The following CACNA1C variants were observed in gnomAD, a reference collection of about 807,000 sequenced individuals.
CACNA1C encodes the protein calcium voltage-gated channel subunit alpha1 C.
Under a neutral mutation model 229.0 loss-of-function variants are expected in CACNA1C, and 30 were observed. The ratio of observed to expected loss-of-function variants is 0.13; its 90% CI spans 0.10 to 0.18. CACNA1C has a LOEUF of 0.18. CACNA1C is among the 10% of genes least tolerant of loss of function. The pLI is 1.00. For synonymous variants in CACNA1C, 1,114 were observed against 1,132.5 expected, an observed-to-expected ratio of 0.98 and a Z score of 0.33; for missense variants, 1,658 against 2,845.0, an observed-to-expected ratio of 0.58 and a Z score of 9.49.
intron 3 of CACNA1C, among the ~76,000 whole-genome samples, chr12:2,407,106 C>T (rs2098746296): frequency 6.6e-6 from 1 of 152,228 alleles, no homozygotes; most frequent in African/African-American, 2.4e-5. Context: ...AGCCTCGTTA[C>T]TGCCTCACCG....
chr12:2,191,030 A>G (rs2097194351), intron 3 of CACNA1C, among the ~76,000 whole-genome samples: 1 of 152,034 alleles, frequency 6.6e-6, no homozygotes, highest in African/African-American at 2.4e-5. Flanking sequence ...GGATACTGGG[A>G]AGTGTGGTCC....
intron 3 of CACNA1C, among the ~76,000 whole-genome samples, chr12:2,155,465 A>G (rs2095509976): frequency 6.6e-6 from 1 of 152,128 alleles, no homozygotes; most frequent in Non-Finnish European, 1.5e-5. Flanking sequence ...TTCCGTACAT[A>G]ATGAGTTTTT....
rs1249918388 is a variant in CACNA1C, at chr12:2,277,354, GACAGACAGACACACACACACACAC to G, written c.477+156928_477+156951del. Among the ~76,000 whole-genome samples, 398 of 87,052 alleles carry G rather than the reference GACAGACAGACACACACACACACAC, an allele frequency of 4.6e-3. 1 individual carries two copies. The highest frequency in any genetic ancestry group is 0.015 in the African/African-American group (297 of 19,166). 57.1% of individuals were successfully genotyped at this position (87,052 alleles called of 152,430 possible). ...TAGTAGACAGACAGACAGACAGACA[GACAGACAGACACACACACACACAC>G]ACACACACACACACACACACACACA... On this transcript the variant is annotated intron_variant, in intron 3 of 46. Transcript: ENST00000399655.
intron 4 of CACNA1C, among the ~76,000 whole-genome samples, chr12:2,450,306 G>C (rs1344582897): frequency 2.0e-5 from 3 of 152,080 alleles, no homozygotes; most frequent in Non-Finnish European, 4.4e-5. Context: ...TGTAATCCCA[G>C]CACTTTGGGA....
chr12:2,198,600 A>C (rs558768636), intron 3 of CACNA1C, among the ~76,000 whole-genome samples: 65 of 152,282 alleles, frequency 4.3e-4, no homozygotes, highest in African/African-American at 1.4e-3. Context: ...GGAAAAGGCA[A>C]ATTTATACAA....
intron 13 of CACNA1C, among the ~76,000 whole-genome samples, chr12:2,569,199 G>A (rs1377987073): frequency 1.3e-5 from 2 of 152,164 alleles, no homozygotes; most frequent in Admixed American, 6.5e-5. Context: ...CTCAAGACAA[G>A]GACAGGGCTG....
chr12:2,615,541 C>G (rs2080022667), intron 29 of CACNA1C, among the ~76,000 whole-genome samples: 1 of 152,186 alleles, frequency 6.6e-6, no homozygotes, highest in Non-Finnish European at 1.5e-5. Flanking sequence ...CAATACCATT[C>G]CAGTTAAAAC....
intron 3 of CACNA1C, among the ~76,000 whole-genome samples, chr12:2,416,543 C>G (rs1334970677): frequency 6.6e-6 from 1 of 152,186 alleles, no homozygotes; most frequent in Non-Finnish European, 1.5e-5. Flanking sequence ...AGGAATTTGT[C>G]CCAGGTCAAA....
intron 3 of CACNA1C, among the ~76,000 whole-genome samples, chr12:2,126,370 C>T (rs896944159): frequency 2.0e-5 from 3 of 152,198 alleles, no homozygotes; most frequent in African/African-American, 7.2e-5. Context: ...CCCTGTCTAC[C>T]AAGAGCTATT....
At chr12:2,117,152 T>C (rs905714245) in intron 2 of CACNA1C, among the ~76,000 whole-genome samples, 1 of 152,162 alleles carries the variant, frequency 6.6e-6, no homozygotes, top group African/African-American at 2.4e-5. Context: ...ATGCCAGTAA[T>C]TCCAGCTGCT....
intron 30 of CACNA1C, among the ~76,000 whole-genome samples, chr12:2,638,535 G>T (rs543550695): frequency 3.3e-5 from 5 of 152,202 alleles, no homozygotes; most frequent in Non-Finnish European, 5.9e-5. Flanking sequence ...TTTTTAAAGA[G>T]ACCACTCTGG....
chr12:2,572,395 CT>C (rs2154593821), intron 13 of CACNA1C, among the ~76,000 whole-genome samples: 2 of 44,096 alleles, frequency 4.5e-5, no homozygotes, highest in Non-Finnish European at 7.8e-5. Context: ...CCTCCTCCTT[CT>C]TCTCTTCCTC....
At chr12:2,027,860 G>A (rs1243487856) in intron 1 of CACNA1C, among the ~76,000 whole-genome samples, 1 of 152,248 alleles carries the variant, frequency 6.6e-6, no homozygotes, top group Admixed American at 6.5e-5. Context: ...CTTAGTAATT[G>A]TAGAGCTATT....
chr12:2,449,727 G>A (rs529628945), intron 4 of CACNA1C, among the ~76,000 whole-genome samples: 3 of 152,300 alleles, frequency 2.0e-5, no homozygotes, highest in East Asian at 1.9e-4. Context: ...GCTCTGTGCT[G>A]CTGTAGGATA....
intron 1 of CACNA1C, among the ~76,000 whole-genome samples, chr12:1,972,933 AT>A (rs774691893): frequency 6.6e-6 from 1 of 152,222 alleles, no homozygotes; most frequent in African/African-American, 2.4e-5. Flanking sequence ...TCGAGCAGCA[AT>A]GACGCTGCCT....
At chr12:2,311,001 CTCT>C (rs1282881593) in intron 3 of CACNA1C, among the ~76,000 whole-genome samples, 1 of 152,174 alleles carries the variant, frequency 6.6e-6, no homozygotes, top group African/African-American at 2.4e-5. Context: ...CGTGTAGCAT[CTCT>C]TCTTCTCTAA....
chr12:2,337,395 G>A (rs1258450408), intron 3 of CACNA1C, among the ~76,000 whole-genome samples: 2 of 152,190 alleles, frequency 1.3e-5, no homozygotes, highest in African/African-American at 4.8e-5. Flanking sequence ...CCTTCTCTGG[G>A]CGTGAGCCTG....
At chr12:2,315,649 T>C (rs1255277658) in intron 3 of CACNA1C, among the ~76,000 whole-genome samples, 1 of 152,112 alleles carries the variant, frequency 6.6e-6, no homozygotes, top group African/African-American at 2.4e-5. Context: ...CCATCCTCCC[T>C]TGAAGGGCTT....
intron 1 of CACNA1C, among the ~76,000 whole-genome samples, chr12:2,074,887 T>C (rs1269824556): frequency 6.6e-6 from 1 of 152,136 alleles, no homozygotes; most frequent in Non-Finnish European, 1.5e-5. Flanking sequence ...AGCTTGGCCA[T>C]ATTTGGCATT....
Sources: gnomAD v4.1 joint callset for allele counts (sites outside exome capture counted in the v4.1 genomes callset) on GRCh38, gnomAD v4.1.1 for gene constraint, MANE v1.5 for transcripts, NCBI Gene and HGNC (gene_info 2026-07-23, HGNC 2026-07-21) for gene names.